Variants in PPP2R2B observed in about 807,000 individuals in gnomAD.
PPP2R2B encodes protein phosphatase 2 regulatory subunit Bbeta, also known as serine/threonine-protein phosphatase 2A 55 kDa regulatory subunit B beta isoform.
In PPP2R2B, 5 loss-of-function variants were observed where a neutral mutation model predicts 46.0. The observed-to-expected ratio is 0.11, with a 90% confidence interval of 0.06 to 0.23. The LOEUF is 0.23. Ranked by LOEUF, PPP2R2B falls within the 10% of genes least tolerant of loss-of-function variation. The pLI, the probability that PPP2R2B is intolerant of heterozygous loss-of-function variation, is 1.00. For missense variants in PPP2R2B, 367 were observed against 575.0 expected (o/e 0.64, Z 3.70); for synonymous variants, 215 against 206.7 (o/e 1.04, Z -0.34).
intron 4 of PPP2R2B, among the ~76,000 whole-genome samples, chr5:146,696,393 C>T (rs1299949972): frequency 6.6e-6 from 1 of 152,144 alleles, no homozygotes; most frequent in African/African-American, 2.4e-5. Context: ...CGTGAGCCAC[C>T]GCGCCTGGCC....
rs1054031562 is a variant in PPP2R2B at position 146,583,099 on chromosome 5, C to A, written c.*6848G>T. The A allele has an allele frequency of 6.6e-6, 1 of 152,090 alleles. No homozygotes were observed. Among genetic ancestry groups the A allele is most frequent in the Non-Finnish European group, 1.5e-5 (1 of 68,036 alleles). 9.4% of individuals were successfully genotyped at this position (152,090 alleles called of 1,614,324 possible). On this transcript the variant is annotated 3_prime_UTR_variant, in exon 10 of 10. Coordinates refer to ENST00000394411, the MANE Select transcript of PPP2R2B (RefSeq NM_181675.4). ...TATATATATAGCATATGCTGTTTTGCCTCCACTGTCCTATCCTGATGTCTG... is the reference window on the plus strand; with the variant it reads ...TATATATATAGCATATGCTGTTTTGACTCCACTGTCCTATCCTGATGTCTG...
intron 1 of PPP2R2B, among the ~76,000 whole-genome samples, chr5:146,931,966 A>T (rs1285080520): frequency 6.6e-6 from 1 of 152,180 alleles, no homozygotes; most frequent in African/African-American, 2.4e-5. Flanking sequence ...CCCAACCTCC[A>T]GCAGCATATC....
At chr5:146,950,048 G>T (rs1216012460) in intron 1 of PPP2R2B, among the ~76,000 whole-genome samples, 1 of 152,006 alleles carries the variant, frequency 6.6e-6, no homozygotes, top group Non-Finnish European at 1.5e-5. Flanking sequence ...GCCAGTATTT[G>T]ATAGCACAAC....
At chr5:146,761,106 C>A (rs372403613) in intron 2 of PPP2R2B, among the ~76,000 whole-genome samples, 10 of 152,086 alleles carry the variant, frequency 6.6e-5, no homozygotes, top group Admixed American at 5.2e-4. Flanking sequence ...GTCAGTGTGG[C>A]GATTCCTCAG....
intron 2 of PPP2R2B, among the ~76,000 whole-genome samples, chr5:146,812,822 T>C (rs1192259404): frequency 2.2e-5 from 2 of 90,712 alleles, no homozygotes; most frequent in East Asian, 6.7e-4. Context: ...TATATATATA[T>C]ATATATACAC....
chr5:146,952,519 C>T (rs1751663158), intron 1 of PPP2R2B, among the ~76,000 whole-genome samples: 1 of 152,072 alleles, frequency 6.6e-6, no homozygotes, highest in African/African-American at 2.4e-5. Context: ...CCTGGAATAG[C>T]TTTCAGATGG....
intron 1 of PPP2R2B, among the ~76,000 whole-genome samples, chr5:146,981,293 T>C (rs774442747): frequency 5.9e-5 from 9 of 152,146 alleles, no homozygotes; most frequent in Non-Finnish European, 1.0e-4. Flanking sequence ...GGGTGGTAAA[T>C]TTTCTTAGTC....
intron 2 of PPP2R2B, among the ~76,000 whole-genome samples, chr5:147,080,663 T>C (rs1342929525): frequency 1.3e-5 from 2 of 152,194 alleles, no homozygotes; most frequent in Admixed American, 6.5e-5. Context: ...ACTTGACTTC[T>C]TCAGTCTCCC....
chr5:146,691,305 T>C (rs1778837882), intron 4 of PPP2R2B, 65 bp from the exon 5 acceptor site: 2 of 1,291,696 alleles, frequency 1.5e-6, no homozygotes, highest in Admixed American at 3.5e-5. Context: ...GGAGTTTTCC[T>C]GGGGGCAATG....
At chr5:146,602,492 G>A (rs1561760574) in intron 7 of PPP2R2B, among the ~76,000 whole-genome samples, 2 of 152,256 alleles carry the variant, frequency 1.3e-5, no homozygotes, top group Admixed American at 6.5e-5. Flanking sequence ...TGGCTAAACC[G>A]AATAAGGGTT....
chr5:146,824,193 T>C (rs183310989), intron 2 of PPP2R2B, among the ~76,000 whole-genome samples: 19 of 152,330 alleles, frequency 1.2e-4, no homozygotes, highest in Middle Eastern at 3.4e-3. Context: ...GAAAGCTTAT[T>C]GAACATGAGG....
intron 5 of PPP2R2B, among the ~76,000 whole-genome samples, chr5:146,681,580 A>G (rs1778177628): frequency 6.6e-6 from 1 of 152,304 alleles, no homozygotes; most frequent in Non-Finnish European, 1.5e-5. Flanking sequence ...CAATCATCCA[A>G]TTATCCTTGA....
intron 5 of PPP2R2B, among the ~76,000 whole-genome samples, chr5:146,672,734 T>TGAA (rs2151123675): frequency 6.6e-6 from 1 of 152,318 alleles, no homozygotes; most frequent in East Asian, 1.9e-4. Flanking sequence ...AGCTGTTCTA[T>TGAA]TTGAGTATTC....
chr5:146,948,220 G>A (rs1261695094), intron 1 of PPP2R2B, among the ~76,000 whole-genome samples: 2 of 152,022 alleles, frequency 1.3e-5, no homozygotes, highest in African/African-American at 2.4e-5. Flanking sequence ...ACATTGTTAC[G>A]GGCATGAGCT....
At chr5:146,931,515 CTGTT>C (rs1763969093) in intron 1 of PPP2R2B, among the ~76,000 whole-genome samples, 1 of 152,142 alleles carries the variant, frequency 6.6e-6, no homozygotes, top group Non-Finnish European at 1.5e-5. Context: ...CAAGGGTTGA[CTGTT>C]TGCTTATCGA....
intron 2 of PPP2R2B, among the ~76,000 whole-genome samples, chr5:146,738,487 C>T (rs902417682): frequency 9.2e-5 from 14 of 151,424 alleles, no homozygotes; most frequent in African/African-American, 3.4e-4. Flanking sequence ...TAATTTGGTA[C>T]TAAATTACAT....
intron 1 of PPP2R2B, among the ~76,000 whole-genome samples, chr5:146,961,296 T>C (rs1752162628): frequency 6.6e-6 from 1 of 152,216 alleles, no homozygotes; most frequent in South Asian, 2.1e-4. Context: ...CTTATGTTTC[T>C]ATGACTATTT....
intron 1 of PPP2R2B, among the ~76,000 whole-genome samples, chr5:147,021,242 A>T (rs1223183733): frequency 6.6e-6 from 1 of 152,148 alleles, no homozygotes; most frequent in African/African-American, 2.4e-5. Flanking sequence ...TTTCAGTTTG[A>T]AGGCCTTTGA....
chr5:146,649,998 T>C (rs1442613348), intron 6 of PPP2R2B, among the ~76,000 whole-genome samples: 1 of 152,206 alleles, frequency 6.6e-6, no homozygotes, highest in Non-Finnish European at 1.5e-5. Context: ...AATTATAATA[T>C]GTATACTATA....
Sources: gnomAD v4.1 joint callset for allele counts (sites outside exome capture counted in the v4.1 genomes callset) on GRCh38, gnomAD v4.1.1 for gene constraint, MANE v1.5 for transcripts, NCBI Gene and HGNC (gene_info 2026-07-23, HGNC 2026-07-21) for gene names.